The following CCDC57 variants were observed in gnomAD, a reference collection of about 807,000 sequenced individuals.
CCDC57 encodes the protein coiled-coil domain-containing protein 57.
A neutral mutation model predicts 118.9 loss-of-function variants in CCDC57; 118 were observed. That is an observed-to-expected ratio of 0.99 (90% CI 0.86 to 1.16). The LOEUF is 1.16. Ranked by LOEUF, CCDC57 falls within the 50% of genes most tolerant of loss-of-function variation. The probability of loss-of-function intolerance (pLI) is 0.00; values close to 1 mark genes in which losing one functional copy is unlikely to be tolerated. For missense variants in CCDC57, 1,300 were observed against 1,320.7 expected (o/e 0.98, Z 0.24); for synonymous variants, 527 against 532.9 (o/e 0.99, Z 0.15).
chr17:82,116,618 C>T (rs553584501), intron 19 of CCDC57, among the ~76,000 whole-genome samples: 99 of 152,330 alleles, frequency 6.5e-4, no homozygotes, highest in African/African-American at 2.3e-3. Context: ...AAGGGCTGGG[C>T]CTTGGGACCC....
At chr17:82,108,403 G>A (rs1192111531) in intron 19 of CCDC57, among the ~76,000 whole-genome samples, 1 of 152,144 alleles carries the variant, frequency 6.6e-6, no homozygotes, top group Non-Finnish European at 1.5e-5. Flanking sequence ...GTCACAGACT[G>A]GGCATAAAAT....
rs1172098679 is a variant in CCDC57, at chr17:82,205,098, ACACC to A, written c.-9+2745_-9+2748del. Among the ~76,000 whole-genome samples, 198 of 68,532 alleles carry A rather than the reference ACACC, an allele frequency of 2.9e-3. 1 individual carries two copies. The highest frequency in any genetic ancestry group is 0.013 in the African/African-American group (190 of 14,508). The allele number at this position is 68,532 out of a possible 152,430, so 45.0% of individuals were successfully genotyped here. Reference sequence around the variant, plus strand: ...CATTTTGTACACAGAGGACATGCACACACCTGTGCACACACCTGTGCACACACAG... The same window carrying A: ...CATTTTGTACACAGAGGACATGCACATGTGCACACACCTGTGCACACACAG... On this transcript the variant is annotated intron_variant, in intron 2 of 19. Transcript: ENST00000665763.
chr17:82,130,235 C>T (rs1234341804), intron 17 of CCDC57, among the ~76,000 whole-genome samples: 1 of 151,914 alleles, frequency 6.6e-6, no homozygotes, highest in Non-Finnish European at 1.5e-5. Context: ...GCTCTGTTGC[C>T]CAGGCTGGAG....
intron 3 of CCDC57, 109 bp from the exon 3 acceptor site, chr17:82,198,531 G>C: frequency 2.7e-6 from 2 of 752,460 alleles, no homozygotes; most frequent in Non-Finnish European, 4.4e-6. Context: ...CTTTTATGAA[G>C]GGGTGGCTTC....
chr17:82,180,358 G>A (rs1007701673), intron 9 of CCDC57, among the ~76,000 whole-genome samples: 14 of 152,224 alleles, frequency 9.2e-5, no homozygotes, highest in Non-Finnish European at 1.8e-4. Flanking sequence ...AGCCGGGAAT[G>A]GCTGAGCCCT....
intron 2 of CCDC57, among the ~76,000 whole-genome samples, chr17:82,202,705 G>A (rs779320858): frequency 2.6e-5 from 4 of 151,914 alleles, no homozygotes; most frequent in East Asian, 1.9e-4. Flanking sequence ...AGCAGAGATC[G>A]CACCATTGCA....
At chr17:82,152,863 C>T (rs1388340551) in intron 15 of CCDC57, among the ~76,000 whole-genome samples, 3 of 152,162 alleles carry the variant, frequency 2.0e-5, no homozygotes, top group Non-Finnish European at 2.9e-5. Flanking sequence ...GCAGTGCCTC[C>T]GGGCATGTGC....
intron 2 of CCDC57, among the ~76,000 whole-genome samples, chr17:82,204,090 G>A (rs1357224746): frequency 6.6e-6 from 1 of 152,112 alleles, no homozygotes; most frequent in African/African-American, 2.4e-5. Context: ...GCTCCCTGGG[G>A]GTCCTGAGAC....
At chr17:82,184,021 G>GCGCA in intron 8 of CCDC57, 89 bp from the exon 8 acceptor site, 1 of 313,232 alleles carries the variant, frequency 3.2e-6, no homozygotes, top group South Asian at 2.7e-5. Context: ...ACACATGCGC[G>GCGCA]CGCGCGCGCG....
At chr17:82,150,553 A>G (rs1158288079) in intron 16 of CCDC57, among the ~76,000 whole-genome samples, 2 of 64,282 alleles carry the variant, frequency 3.1e-5, no homozygotes, top group Admixed American at 1.9e-4. Flanking sequence ...AACCTGACCC[A>G]CACCCAGAAC....
chr17:82,173,401 A>G (rs2045030203), intron 11 of CCDC57, among the ~76,000 whole-genome samples: 1 of 152,210 alleles, frequency 6.6e-6, no homozygotes, highest in Non-Finnish European at 1.5e-5. Context: ...AACAGAAAAT[A>G]CCCAAACTGA....
At chr17:82,126,593 G>A (rs1347154350) in intron 19 of CCDC57, 1 of 985,274 alleles carries the variant, frequency 1.0e-6, no homozygotes, top group African/African-American at 1.7e-5. Context: ...CAATCCTGCT[G>A]CCACCGGCAA....
chr17:82,188,525 G>A (rs548614974), intron 7 of CCDC57, 106 bp from the exon 7 acceptor site: 1 of 1,173,044 alleles, frequency 8.5e-7, no homozygotes, highest in Non-Finnish European at 1.2e-6. Flanking sequence ...AGGTGCTGCT[G>A]TATGTCTGCC....
intron 16 of CCDC57, among the ~76,000 whole-genome samples, chr17:82,141,319 G>A (rs566667618): frequency 5.1e-4 from 78 of 152,190 alleles, no homozygotes; most frequent in African/African-American, 1.6e-3. Flanking sequence ...GAGTAGCTGG[G>A]ACTACAGGCA....
chr17:82,151,969 A>T, intron 15 of CCDC57, 196 bp from the exon 15 acceptor site: 1 of 586,236 alleles, frequency 1.7e-6, no homozygotes, highest in South Asian at 2.1e-5. Flanking sequence ...TCTCTTCCAC[A>T]AATAGAATAA....
At chr17:82,196,644 G>A (rs2048327723) in intron 4 of CCDC57, among the ~76,000 whole-genome samples, 1 of 152,168 alleles carries the variant, frequency 6.6e-6, no homozygotes, top group African/African-American at 2.4e-5. Context: ...TGCTGCACCT[G>A]CACAGACGCA....
intron 19 of CCDC57, chr17:82,112,929 A>G (rs2035389311): frequency 6.0e-6 from 1 of 165,704 alleles, no homozygotes; most frequent in Non-Finnish European, 1.3e-5. Flanking sequence ...GAGGAACATT[A>G]AAGTCTGGTC....
At chr17:82,136,178 G>A (rs1170499933) in intron 16 of CCDC57, among the ~76,000 whole-genome samples, 4 of 152,094 alleles carry the variant, frequency 2.6e-5, no homozygotes, top group Admixed American at 6.6e-5. Flanking sequence ...GCCCAAAGGC[G>A]GAAACCATCC....
chr17:82,178,949 A>T (rs1385113588), intron 10 of CCDC57, 78 bp downstream of exon 9: 1 of 1,468,704 alleles, frequency 6.8e-7, no homozygotes, highest in Non-Finnish European at 9.2e-7. Context: ...ACCATTTGGT[A>T]AGAACCAGAC....
Sources: allele counts gnomAD v4.1 joint callset (sites outside exome capture counted in the v4.1 genomes callset), GRCh38; gene constraint gnomAD v4.1.1; transcripts MANE v1.5; gene names NCBI Gene and HGNC (gene_info 2026-07-23, HGNC 2026-07-21).